DCDC1: variants seen among roughly 807,000 people sequenced by gnomAD.
The protein encoded by DCDC1 is doublecortin domain-containing protein 1.
In DCDC1, 200 loss-of-function variants were observed where a neutral mutation model predicts 178.3. The ratio of observed to expected loss-of-function variants is 1.12; its 90% confidence interval spans 1.00 to 1.26. The LOEUF is 1.26. Among genes scored for constraint, DCDC1 ranks in the 50% most tolerant of loss-of-function variants. The pLI is 0.00. For synonymous variants in DCDC1, 690 were observed against 604.8 expected (o/e 1.14, Z -2.07); for missense variants, 1,983 against 1,749.2 (o/e 1.13, Z -2.38).
At position 30,903,641 on chromosome 11, in the gene DCDC1, C is replaced by T. The variant is rs1944861136; in HGVS notation, c.4351G>A (p.Ala1451Thr). The change falls in exon 32 of 39, where the codon GCC becomes ACC. Residue 1451 changes from alanine (A) to threonine (T), a missense_variant. Transcript: ENST00000684477. ...CCATCTTTGGTATATACTTTGGAGG[C>T]TGCTCTGGCAAGCCCAAGTTGTTCC... ...CTEQLGLARA[A>T]SKVYTKDGTP... 6.2e-7 allele frequency: 1 copy of T among 1,610,450 alleles called. No individual in the cohort carries two copies. Among genetic ancestry groups the T allele is most frequent in the African/African-American group, 1.3e-5 (1 of 74,844 alleles).
At chr11:31,194,599 T>C (rs917789193) in intron 9 of DCDC1, among the ~76,000 whole-genome samples, 4 of 152,118 alleles carry the variant, frequency 2.6e-5, no homozygotes, top group Non-Finnish European at 5.9e-5. Flanking sequence ...TTTGTATAAT[T>C]AAAATAGCTC....
intron 21 of DCDC1, chr11:30,943,535 T>C (rs1947806038): frequency 2.6e-6 from 1 of 379,414 alleles, no homozygotes; most frequent in African/African-American, 2.1e-5. Context: ...TAATCTTACT[T>C]TTTACCACAA....
At chr11:31,062,155 G>A (rs1160221572) in intron 20 of DCDC1, among the ~76,000 whole-genome samples, 1 of 152,126 alleles carries the variant, frequency 6.6e-6, no homozygotes, top group Non-Finnish European at 1.5e-5. Context: ...GAGAGCAGAA[G>A]TAAACTGTGC....
intron 6 of DCDC1, among the ~76,000 whole-genome samples, chr11:31,294,475 C>T (rs889521039): frequency 1.3e-5 from 2 of 149,836 alleles, no homozygotes; most frequent in Non-Finnish European, 3.0e-5. Context: ...CCCAGCTACT[C>T]GGGAGGCTGA....
intron 8 of DCDC1, among the ~76,000 whole-genome samples, chr11:31,253,922 G>A (rs1225980496): frequency 2.0e-5 from 3 of 152,116 alleles, no homozygotes; most frequent in Admixed American, 1.3e-4. Context: ...GCTCTTCCCC[G>A]TGGAAGGGCC....
At chr11:31,343,611 C>T (rs1480716829) in intron 1 of DCDC1, among the ~76,000 whole-genome samples, 1 of 151,990 alleles carries the variant, frequency 6.6e-6, no homozygotes, top group Non-Finnish European at 1.5e-5. Context: ...CCAGCCTGAC[C>T]CTGTCTCTTA....
At chr11:30,938,773 T>C (rs1947441984) in intron 21 of DCDC1, among the ~76,000 whole-genome samples, 2 of 152,124 alleles carry the variant, frequency 1.3e-5, no homozygotes, top group African/African-American at 4.8e-5. Context: ...TTTTTCCTTA[T>C]CCATAGTTTG....
chr11:31,023,754 A>G (rs1328598930), intron 20 of DCDC1, among the ~76,000 whole-genome samples: 2 of 152,060 alleles, frequency 1.3e-5, no homozygotes, highest in African/African-American at 4.8e-5. Flanking sequence ...AGAACGGGAT[A>G]TTAACCGAGA....
chr11:31,123,687 A>C (rs1210425115), intron 11 of DCDC1, among the ~76,000 whole-genome samples: 2 of 151,988 alleles, frequency 1.3e-5, no homozygotes, highest in African/African-American at 4.8e-5. Flanking sequence ...CAAAGGAGAA[A>C]CCTGAGAAGA....
chr11:31,278,308 G>A (rs895433222), intron 7 of DCDC1, among the ~76,000 whole-genome samples: 1 of 152,088 alleles, frequency 6.6e-6, no homozygotes, highest in Non-Finnish European at 1.5e-5. Context: ...AAAACAGGTA[G>A]TGTAAATGGA....
chr11:30,900,415 G>A lies in DCDC1; in HGVS notation c.4594C>T (p.Leu1532Phe). The A allele has an allele frequency of 6.3e-7, 1 of 1,581,992 alleles. No individual in the cohort carries two copies. Among genetic ancestry groups the A allele is most frequent in the Non-Finnish European group, 8.6e-7 (1 of 1,163,328 alleles). The change falls in exon 33 of 39, where the codon CTT (leucine) becomes TTT (phenylalanine). Residue 1532 changes from leucine to phenylalanine, a missense_variant. Transcript: ENST00000684477. ...DSLDGIDKSL[L>F]TLILRNPIAI... The stretch of plus-strand genomic sequence containing the variant: ...ATAGGATTTCTGAGGATGAGGGTAA[G>A]CAAAGACTTGTCTATACCATCCAAA...
At chr11:31,099,073 A>C (rs992738231) in intron 15 of DCDC1, among the ~76,000 whole-genome samples, 4 of 152,190 alleles carry the variant, frequency 2.6e-5, no homozygotes, top group African/African-American at 9.6e-5. Flanking sequence ...TTATCTTGTT[A>C]TAGTTAACCC....
intron 21 of DCDC1, among the ~76,000 whole-genome samples, chr11:30,951,736 T>A (rs1391288432): frequency 1.3e-5 from 2 of 151,750 alleles, no homozygotes; most frequent in African/African-American, 4.8e-5. Context: ...ATAAACAGAA[T>A]AAAAATGTTA....
chr11:31,169,756 G>A (rs2136213868), intron 9 of DCDC1, among the ~76,000 whole-genome samples: 1 of 152,096 alleles, frequency 6.6e-6, no homozygotes, highest in East Asian at 1.9e-4. Context: ...TAAACACAAG[G>A]CAGAAAGTAG....
intron 9 of DCDC1, among the ~76,000 whole-genome samples, chr11:31,208,087 T>A (rs759840437): frequency 6.6e-6 from 1 of 152,178 alleles, no homozygotes; most frequent in Non-Finnish European, 1.5e-5. Flanking sequence ...ATCTATCCTC[T>A]CACCCTTGGT....
intron 9 of DCDC1, among the ~76,000 whole-genome samples, chr11:31,210,825 G>C (rs1000651308): frequency 1.3e-5 from 2 of 151,818 alleles, no homozygotes; most frequent in Non-Finnish European, 2.9e-5. Flanking sequence ...CTAACCCTAA[G>C]ATATCTTCAT....
intron 25 of DCDC1, 61 bp downstream of exon 25, chr11:30,920,715 G>C: frequency 6.3e-7 from 1 of 1,585,082 alleles, no homozygotes; most frequent in Non-Finnish European, 8.6e-7. Context: ...GCTGTTATCG[G>C]GCTAATGAGC....
chr11:31,298,840 A>G (rs1947892191), intron 6 of DCDC1, among the ~76,000 whole-genome samples: 1 of 152,202 alleles, frequency 6.6e-6, no homozygotes, highest in Non-Finnish European at 1.5e-5. Context: ...TTACTTCTAG[A>G]ATAAAAAGCA....
At chr11:30,954,462 T>C (rs1265486901) in intron 20 of DCDC1, among the ~76,000 whole-genome samples, 3 of 152,108 alleles carry the variant, frequency 2.0e-5, no homozygotes, top group Non-Finnish European at 4.4e-5. Flanking sequence ...CTTTAAACCA[T>C]AAAGATACAG....
Sources: gnomAD v4.1 joint callset for allele counts (sites outside exome capture counted in the v4.1 genomes callset) on GRCh38, gnomAD v4.1.1 for gene constraint, MANE v1.5 for transcripts, NCBI Gene and HGNC (gene_info 2026-07-23, HGNC 2026-07-21) for gene names.